Variants in CNTN5 observed in about 807,000 individuals in gnomAD.
CNTN5 encodes the protein contactin 5, also known as contactin-5.
In CNTN5, 77 loss-of-function variants were observed where a neutral mutation model predicts 129.1. That is an observed-to-expected ratio of 0.60 (90% CI 0.50 to 0.72). The LOEUF (loss-of-function observed/expected upper bound fraction) is 0.72. Among genes scored for constraint, CNTN5 ranks in the 30% least tolerant of loss-of-function variants. The pLI, the probability that CNTN5 is intolerant of heterozygous loss-of-function variation, is 0.00. For missense variants in CNTN5, 1,478 were observed against 1,328.8 expected, an observed-to-expected ratio of 1.11 and a Z score of -1.75; for synonymous variants, 509 against 465.6, an observed-to-expected ratio of 1.09 and a Z score of -1.20.
At chr11:100,029,321 G>T (rs953544741) in intron 9 of CNTN5, among the ~76,000 whole-genome samples, 7 of 152,130 alleles carry the variant, frequency 4.6e-5, no homozygotes, top group Non-Finnish European at 8.8e-5. Context: ...GGTGGCTCAC[G>T]CCTGTAATCC....
intron 21 of CNTN5, chr11:100,309,047 G>T: frequency 1.0e-6 from 1 of 985,118 alleles, no homozygotes; most frequent in Non-Finnish European, 1.2e-6. Context: ...AGCAGATTGT[G>T]AGTAGTCTGT....
At chr11:99,789,006 T>A (rs1206452720) in intron 3 of CNTN5, among the ~76,000 whole-genome samples, 1 of 151,808 alleles carries the variant, frequency 6.6e-6, no homozygotes, top group Non-Finnish European at 1.5e-5. Context: ...TAAAATTATA[T>A]TGTAAAAATC....
rs1468539970 is a variant in CNTN5 at position 99,844,854 on chromosome 11, A to G, written c.280A>G (p.Ser94Gly). ...HSSDAFKQDE[S>G]VDYGPVFVQE... ...ATGTGTCTGTTTTGTCTTTACAGAAAGTGTGGACTATGGGCCAGTTTTTGT... is the reference window on the plus strand; with the variant it reads ...ATGTGTCTGTTTTGTCTTTACAGAAGGTGTGGACTATGGGCCAGTTTTTGT... The change falls in exon 5 of 25, where the codon AGT (serine) becomes GGT (glycine). Residue 94 changes from serine (S) to glycine (G), a missense_variant and splice_region_variant. Transcript: ENST00000524871. 1 of 1,610,646 alleles carries G rather than the reference A, an allele frequency of 6.2e-7. No individual in the cohort carries two copies. The highest frequency in any genetic ancestry group is 8.5e-7 in the Non-Finnish European group (1 of 1,178,674).
intron 3 of CNTN5, among the ~76,000 whole-genome samples, chr11:99,705,791 A>G (rs1284490685): frequency 6.6e-6 from 1 of 151,350 alleles, no homozygotes; most frequent in Non-Finnish European, 1.5e-5. Context: ...TTATTTTTGA[A>G]CAGAGACTGT....
chr11:99,929,101 C>T (rs1950132227), intron 7 of CNTN5, among the ~76,000 whole-genome samples: 1 of 152,178 alleles, frequency 6.6e-6, no homozygotes, highest in South Asian at 2.1e-4. Context: ...TTTGCTAAAA[C>T]ATAGCAAGAG....
At chr11:99,977,771 G>A (rs1938084943) in intron 8 of CNTN5, among the ~76,000 whole-genome samples, 2 of 152,200 alleles carry the variant, frequency 1.3e-5, no homozygotes, top group African/African-American at 4.8e-5. Context: ...TTCAACATAA[G>A]ATTTAGGTGG....
intron 3 of CNTN5, among the ~76,000 whole-genome samples, chr11:99,713,204 C>A (rs1234997885): frequency 6.6e-6 from 1 of 151,970 alleles, no homozygotes; most frequent in African/African-American, 2.4e-5. Flanking sequence ...CCTTCACATC[C>A]CTTGTAAGTC....
At chr11:99,022,323 T>C (rs1015025650) in intron 1 of CNTN5, among the ~76,000 whole-genome samples, 1 of 152,166 alleles carries the variant, frequency 6.6e-6, no homozygotes, top group African/African-American at 2.4e-5. Flanking sequence ...CGATTACTGT[T>C]GAATTGCAAC....
chr11:100,089,684 G>T (rs117824003), intron 13 of CNTN5, among the ~76,000 whole-genome samples: 4,202 of 152,178 alleles, frequency 0.028, 80 homozygotes, highest in Non-Finnish European at 0.043. Context: ...AGAAAACATG[G>T]TACATATACG....
At chr11:99,478,628 C>T (rs1021790731) in intron 2 of CNTN5, among the ~76,000 whole-genome samples, 3 of 151,908 alleles carry the variant, frequency 2.0e-5, no homozygotes, top group Admixed American at 6.6e-5. Flanking sequence ...TAGGCTCTTT[C>T]AACAATGTGG....
intron 1 of CNTN5, among the ~76,000 whole-genome samples, chr11:99,106,504 A>G (rs939415002): frequency 1.3e-5 from 2 of 151,968 alleles, no homozygotes; most frequent in African/African-American, 2.4e-5. Context: ...AGTTCCTATA[A>G]TTATTTTCTT....
chr11:99,131,043 A>G lies in CNTN5; in HGVS notation c.-210+109773A>G, dbSNP rs55818466. On this transcript the variant is annotated intron_variant, in intron 1 of 24. Coordinates refer to ENST00000524871, the MANE Select transcript of CNTN5 (RefSeq NM_014361.4). ...TTTGGGAGGCTGAGGCAGGCGGATC[A>G]CAAGGTCAGGAGATCGAGACCATCC... Among the ~76,000 whole-genome samples the G allele has an allele frequency of 5.4e-3, 820 of 151,158 alleles. 8 individuals carry two copies. Among genetic ancestry groups the G allele is most frequent in the African/African-American group, 0.019 (794 of 41,070 alleles).
At chr11:99,917,635 TAAGC>T (rs1949828218) in intron 7 of CNTN5, among the ~76,000 whole-genome samples, 1 of 151,970 alleles carries the variant, frequency 6.6e-6, no homozygotes, top group African/African-American at 2.4e-5. Context: ...TGTGGGAAAA[TAAGC>T]AAGATTTTCT....
intron 3 of CNTN5, among the ~76,000 whole-genome samples, chr11:99,624,713 A>G (rs1209206671): frequency 2.0e-5 from 3 of 152,196 alleles, no homozygotes; most frequent in Non-Finnish European, 4.4e-5. Context: ...ACCCTGCCAC[A>G]GGCAGCACGG....
chr11:100,223,746 A>G (rs1448627733), intron 15 of CNTN5, among the ~76,000 whole-genome samples: 6 of 152,156 alleles, frequency 3.9e-5, no homozygotes. Context: ...TCGTTAGATT[A>G]CAAAATGGAA....
intron 2 of CNTN5, among the ~76,000 whole-genome samples, chr11:99,407,057 G>A (rs569675541): frequency 2.0e-4 from 30 of 152,202 alleles, no homozygotes; most frequent in Non-Finnish European, 3.7e-4. Context: ...GTGGCCAAGC[G>A]AGTACCTAAC....
At chr11:99,718,640 GAGA>G (rs951185770) in intron 3 of CNTN5, among the ~76,000 whole-genome samples, 20 of 152,106 alleles carry the variant, frequency 1.3e-4, no homozygotes, top group Admixed American at 3.9e-4. Context: ...TCAGAAACTT[GAGA>G]AGAACAGAAT....
chr11:99,083,142 C>A (rs574727289), intron 1 of CNTN5, among the ~76,000 whole-genome samples: 3 of 152,140 alleles, frequency 2.0e-5, no homozygotes, highest in South Asian at 4.1e-4. Context: ...ATCTTCCCTG[C>A]CACCTGTTTT....
At chr11:100,247,854 T>A (rs1396538789) in intron 16 of CNTN5, among the ~76,000 whole-genome samples, 1 of 152,162 alleles carries the variant, frequency 6.6e-6, no homozygotes, top group Non-Finnish European at 1.5e-5. Context: ...CACAAACTGG[T>A]CCTTTGTACT....
Sources: gnomAD v4.1 joint callset for allele counts (sites outside exome capture counted in the v4.1 genomes callset) on GRCh38, gnomAD v4.1.1 for gene constraint, MANE v1.5 for transcripts, NCBI Gene and HGNC (gene_info 2026-07-23, HGNC 2026-07-21) for gene names.